Variants in TMEM135 observed in about 807,000 individuals in gnomAD.
TMEM135 encodes transmembrane protein 135, also known as peroxisomal membrane protein 52.
Under a neutral mutation model 60.3 loss-of-function variants are expected in TMEM135, and 30 were observed. The ratio of observed to expected loss-of-function variants is 0.50; its 90% confidence interval spans 0.37 to 0.68. The LOEUF (loss-of-function observed/expected upper bound fraction) is 0.68, where lower values mean the gene tolerates loss of function less well. TMEM135 is among the 30% of genes least tolerant of loss of function. The probability of loss-of-function intolerance (pLI) is 0.00; values close to 1 mark genes in which losing one functional copy is unlikely to be tolerated. For missense variants in TMEM135, 468 were observed against 548.8 expected, an observed-to-expected ratio of 0.85 and a Z score of 1.47; for synonymous variants, 190 against 186.7, an observed-to-expected ratio of 1.02 and a Z score of -0.14.
intron 14 of TMEM135, 131 bp from the exon 15 acceptor site, chr11:87,321,070 A>G (rs1942811224): frequency 6.7e-6 from 5 of 747,154 alleles, no homozygotes; most frequent in East Asian, 2.7e-5. Context: ...TGAATCTGCC[A>G]TTGAATTTAG....
chr11:87,116,944 T>G (rs113440657), intron 4 of TMEM135, among the ~76,000 whole-genome samples: 2,369 of 152,104 alleles, frequency 0.016, 25 homozygotes, highest in Admixed American at 0.024. Context: ...TGCCTCAGCC[T>G]CCTGAGTAGC....
intron 6 of TMEM135, among the ~76,000 whole-genome samples, chr11:87,249,659 A>G (rs989613179): frequency 1.2e-4 from 18 of 152,102 alleles, no homozygotes; most frequent in Non-Finnish European, 7.4e-5. Flanking sequence ...TATCCCTGGG[A>G]TAAATCCCAG....
At chr11:87,266,544 C>T (rs555310614) in intron 6 of TMEM135, among the ~76,000 whole-genome samples, 2 of 152,230 alleles carry the variant, frequency 1.3e-5, no homozygotes, top group African/African-American at 4.8e-5. Flanking sequence ...GTTCTAGTCT[C>T]CCTTATTGTC....
At chr11:87,064,460 C>T (rs759451165) in intron 1 of TMEM135, among the ~76,000 whole-genome samples, 2 of 152,194 alleles carry the variant, frequency 1.3e-5, no homozygotes, top group Non-Finnish European at 2.9e-5. Flanking sequence ...AAATACAGAA[C>T]ATTTCCATCA....
chr11:87,243,009 CA>C (rs1207100852), intron 6 of TMEM135, among the ~76,000 whole-genome samples: 1 of 136,574 alleles, frequency 7.3e-6, no homozygotes, highest in African/African-American at 2.8e-5. Flanking sequence ...GTCTTTAATC[CA>C]TCTTGAATTA....
intron 5 of TMEM135, among the ~76,000 whole-genome samples, chr11:87,226,386 A>G (rs1940765099): frequency 6.6e-6 from 1 of 152,148 alleles, no homozygotes; most frequent in African/African-American, 2.4e-5. Flanking sequence ...ATTTTCTTTT[A>G]TATTTTAAAT....
At chr11:87,108,583 C>T (rs1051338005) in intron 4 of TMEM135, among the ~76,000 whole-genome samples, 1 of 151,902 alleles carries the variant, frequency 6.6e-6, no homozygotes, top group Non-Finnish European at 1.5e-5. Context: ...CATTTGTTTA[C>T]TTTGGGCTTA....
intron 5 of TMEM135, among the ~76,000 whole-genome samples, chr11:87,171,586 G>A (rs1004857529): frequency 6.6e-6 from 1 of 152,270 alleles, no homozygotes; most frequent in East Asian, 1.9e-4. Context: ...TTTACTAGCT[G>A]AGACCTTGGA....
At chr11:87,190,361 T>TGA (rs1186637367) in intron 5 of TMEM135, among the ~76,000 whole-genome samples, 1 of 152,076 alleles carries the variant, frequency 6.6e-6, no homozygotes, top group Admixed American at 6.5e-5. Context: ...TGGTGTTCGG[T>TGA]GAGAGAGAGG....
At chr11:87,169,585 T>A (rs535129427) in intron 5 of TMEM135, among the ~76,000 whole-genome samples, 1 of 152,230 alleles carries the variant, frequency 6.6e-6, no homozygotes, top group Non-Finnish European at 1.5e-5. Flanking sequence ...GGATATAAAA[T>A]TCTGGGTTGA....
intron 1 of TMEM135, among the ~76,000 whole-genome samples, chr11:87,042,585 G>A (rs1461087828): frequency 2.0e-5 from 3 of 152,204 alleles, no homozygotes; most frequent in African/African-American, 4.8e-5. Context: ...TGCTTCTAAG[G>A]CTGCTTCTGA....
rs750021439 is a variant in TMEM135 at position 87,142,685 on chromosome 11, T to TTCCTCC, written c.397-14642_397-14637dup. Among the ~76,000 whole-genome samples the TTCCTCC allele has an allele frequency of 1.1e-4, 16 of 151,172 alleles. 1 individual carries two copies. The highest frequency in any genetic ancestry group is 9.9e-4 in the Admixed American group (15 of 15,156). ...TTTGGAGTTCTTTTAGCTTCCAGAT[T>TTCCTCC]TCCTCCTCCTCCTCCTCCTTCCTCC... On this transcript the variant is annotated intron_variant, in intron 4 of 14. Coordinates refer to ENST00000305494, the MANE Select transcript of TMEM135 (RefSeq NM_022918.4).
At chr11:87,151,941 A>G (rs1377755394) in intron 4 of TMEM135, among the ~76,000 whole-genome samples, 1 of 152,026 alleles carries the variant, frequency 6.6e-6, no homozygotes, top group East Asian at 1.9e-4. Flanking sequence ...TCCTTTAGGG[A>G]ATCTTCTCTT....
intron 11 of TMEM135, 67 bp downstream of exon 11, chr11:87,313,555 CCATCCAATT>C: frequency 7.9e-7 from 1 of 1,266,746 alleles, no homozygotes; most frequent in Non-Finnish European, 1.1e-6. Context: ...ATTGGAAATA[CCATCCAATT>C]CATCCAATTT....
chr11:87,106,195 C>G (rs936569290), intron 4 of TMEM135, among the ~76,000 whole-genome samples: 1 of 151,998 alleles, frequency 6.6e-6, no homozygotes, highest in Non-Finnish European at 1.5e-5. Flanking sequence ...CCTCCACCTC[C>G]TGGGTTCAAG....
chr11:87,179,796 C>T (rs961280197), intron 5 of TMEM135, among the ~76,000 whole-genome samples: 2 of 152,170 alleles, frequency 1.3e-5, no homozygotes, highest in Non-Finnish European at 2.9e-5. Context: ...AAGACTCTGT[C>T]CCGTGCATTC....
At chr11:87,059,415 C>T (rs1431550007) in intron 1 of TMEM135, among the ~76,000 whole-genome samples, 1 of 150,614 alleles carries the variant, frequency 6.6e-6, no homozygotes, top group Non-Finnish European at 1.5e-5. Flanking sequence ...AGCGATTCTC[C>T]TGTGATTCTC....
intron 4 of TMEM135, among the ~76,000 whole-genome samples, chr11:87,122,309 G>GTTTTTTTTTTTTTTTTTTTTTTTAAT: frequency 9.1e-6 from 1 of 110,360 alleles, no homozygotes; most frequent in Non-Finnish European, 1.9e-5. Context: ...GTTTTGCTAG[G>GTTTTTTTTTTTTTTTTTTTTTTTAAT]TTTTTTTTTT....
intron 4 of TMEM135, among the ~76,000 whole-genome samples, chr11:87,091,708 A>G (rs1052755329): frequency 1.3e-5 from 2 of 152,012 alleles, no homozygotes; most frequent in African/African-American, 2.4e-5. Context: ...ATCTCTTTAT[A>G]TATCTAATTT....
Sources: allele counts gnomAD v4.1 joint callset (sites outside exome capture counted in the v4.1 genomes callset), GRCh38; gene constraint gnomAD v4.1.1; transcripts MANE v1.5; gene names NCBI Gene and HGNC (gene_info 2026-07-23, HGNC 2026-07-21).